Variants in RPTOR observed in about 807,000 individuals in gnomAD.
The protein encoded by RPTOR is regulatory-associated protein of mTOR.
In RPTOR, 21 loss-of-function variants were observed where a neutral mutation model predicts 169.9. The observed-to-expected ratio is 0.12, with a 90% CI of 0.09 to 0.18. RPTOR has a LOEUF of 0.18. Among genes scored for constraint, RPTOR ranks in the 10% least tolerant of loss-of-function variants. The probability of loss-of-function intolerance (pLI) is 1.00; values close to 1 mark genes in which losing one functional copy is unlikely to be tolerated. For missense variants in RPTOR, 1,133 were observed against 1,855.9 expected, an observed-to-expected ratio of 0.61 and a Z score of 7.16; for synonymous variants, 732 against 753.2, an observed-to-expected ratio of 0.97 and a Z score of 0.46.
chr17:80,864,512 G>GA lies in RPTOR; in HGVS notation c.1509+6618dup, dbSNP rs200486427. On this transcript the variant is annotated intron_variant, in intron 13 of 33. Coordinates refer to ENST00000306801, the MANE Select transcript of RPTOR (RefSeq NM_020761.3). ...AAGCAGAGAGAGAGACAGAGAAAGA[G>GA]AAAAAACTGTCAACCTAGAATTCTA... Among the ~76,000 whole-genome samples the GA allele has an allele frequency of 4.0e-3, 607 of 152,268 alleles. 2 individuals are homozygous for GA. Among genetic ancestry groups the GA allele is most frequent in the Non-Finnish European group, 6.4e-3 (437 of 67,994 alleles).
intron 7 of RPTOR, among the ~76,000 whole-genome samples, chr17:80,793,000 G>A (rs911391446): frequency 2.0e-5 from 3 of 151,964 alleles, no homozygotes; most frequent in African/African-American, 7.3e-5. Context: ...AAAAAAATAG[G>A]GCATCTTGCT....
intron 24 of RPTOR, among the ~76,000 whole-genome samples, chr17:80,928,608 T>C (rs954368141): frequency 3.9e-5 from 6 of 152,242 alleles, no homozygotes; most frequent in African/African-American, 1.2e-4. Flanking sequence ...TCAGATTTCG[T>C]ACAGGTCCGT....
chr17:80,679,679 C>A (rs1200967297), intron 3 of RPTOR, among the ~76,000 whole-genome samples: 3 of 152,162 alleles, frequency 2.0e-5, no homozygotes, highest in Non-Finnish European at 4.4e-5. Flanking sequence ...AAAAAGTAAA[C>A]CATAAATAGT....
Sources: allele counts gnomAD v4.1 joint callset (sites outside exome capture counted in the v4.1 genomes callset), GRCh38; gene constraint gnomAD v4.1.1; transcripts MANE v1.5; gene names NCBI Gene and HGNC (gene_info 2026-07-23, HGNC 2026-07-21).